Variants in TAB2 observed in about 807,000 individuals in gnomAD.
The protein encoded by TAB2 is TGF-beta activated kinase 1 (MAP3K7) binding protein 2.
TAB2 carries 3 observed loss-of-function variants against 65.0 expected under a neutral mutation model. That is an observed-to-expected ratio of 0.05 (90% CI 0.02 to 0.12). The LOEUF (loss-of-function observed/expected upper bound fraction) is 0.12, where lower values mean the gene tolerates loss of function less well. Among genes scored for constraint, TAB2 ranks in the 10% least tolerant of loss-of-function variants. The pLI is 1.00. For synonymous variants in TAB2, 298 were observed against 285.1 expected, an observed-to-expected ratio of 1.05 and a Z score of -0.46; for missense variants, 623 against 840.3, an observed-to-expected ratio of 0.74 and a Z score of 3.20.
intron 1 of TAB2, among the ~76,000 whole-genome samples, chr6:149,258,657 T>C (rs771147872): frequency 1.2e-4 from 19 of 152,258 alleles, no homozygotes; most frequent in Non-Finnish European, 2.8e-4. Context: ...TAATCACTGT[T>C]AACCTATCTC....
At chr6:149,275,234 G>GAAAGAA (rs1554255826) in intron 1 of TAB2, among the ~76,000 whole-genome samples, 163 of 65,384 alleles carry the variant, frequency 2.5e-3, no homozygotes, top group African/African-American at 0.013. Flanking sequence ...GGGAGAGAGA[G>GAAAGAA]AGAAAGAAAG....
intron 1 of TAB2, among the ~76,000 whole-genome samples, chr6:149,255,575 A>G (rs1053636668): frequency 6.6e-6 from 1 of 152,208 alleles, no homozygotes; most frequent in African/African-American, 2.4e-5. Context: ...TCTATAATTA[A>G]CATGTTACTT....
intron 1 of TAB2, among the ~76,000 whole-genome samples, chr6:149,369,570 G>A (rs1228908888): frequency 1.3e-5 from 2 of 152,078 alleles, no homozygotes; most frequent in Non-Finnish European, 2.9e-5. Flanking sequence ...CTCACCTTGG[G>A]ATAATCATTA....
chr6:149,231,974 G>C (rs1206247980), intron 1 of TAB2, among the ~76,000 whole-genome samples: 1 of 152,180 alleles, frequency 6.6e-6, no homozygotes, highest in Non-Finnish European at 1.5e-5. Context: ...AGGACAGCGA[G>C]AGGATCTACA....
intron 6 of TAB2, among the ~76,000 whole-genome samples, chr6:149,402,687 A>G (rs1782475329): frequency 6.6e-6 from 1 of 152,232 alleles, no homozygotes; most frequent in Non-Finnish European, 1.5e-5. Flanking sequence ...AAAGAAAACT[A>G]CAGACCAATA....
intron 1 of TAB2, among the ~76,000 whole-genome samples, chr6:149,234,103 A>G (rs1191506991): frequency 1.3e-5 from 2 of 152,198 alleles, no homozygotes; most frequent in Non-Finnish European, 2.9e-5. Context: ...TTTAAGAACT[A>G]TATTGAACAA....
chr6:149,385,393 A>G (rs967875456), intron 3 of TAB2, among the ~76,000 whole-genome samples: 1 of 152,226 alleles, frequency 6.6e-6, no homozygotes, highest in Non-Finnish European at 1.5e-5. Context: ...CTACTGCAGT[A>G]GCACATGCCT....
chr6:149,388,299 G>A (rs1781867833), intron 3 of TAB2, among the ~76,000 whole-genome samples: 1 of 152,102 alleles, frequency 6.6e-6, no homozygotes, highest in Non-Finnish European at 1.5e-5. Context: ...CTGCCTCAAC[G>A]CATGTTACTC....
chr6:149,411,102 A>T lies in TAB2; in HGVS notation c.*1383A>T, dbSNP rs1257394802. 1 of 152,628 alleles carries T rather than the reference A, an allele frequency of 6.6e-6. No homozygotes were observed. Among genetic ancestry groups the T allele is most frequent in the Non-Finnish European group, 1.5e-5 (1 of 68,036 alleles). 9.5% of individuals were successfully genotyped at this position (152,628 alleles called of 1,614,324 possible). The stretch of plus-strand genomic sequence containing the variant: ...ATATTTTTGTAAGGAAAATATTCAG[A>T]TGATCAGGAATGTATATAACTGAAA... On this transcript the variant is annotated 3_prime_UTR_variant, in exon 7 of 7. Transcript: ENST00000637181.
chr6:149,324,779 TA>T (rs1440985642), intron 1 of TAB2, among the ~76,000 whole-genome samples: 1 of 151,762 alleles, frequency 6.6e-6, no homozygotes, highest in Non-Finnish European at 1.5e-5. Context: ...ACTGGGGCCA[TA>T]GGGGTAGAAG....
chr6:149,367,749 G>A (rs1250136698), intron 1 of TAB2, among the ~76,000 whole-genome samples: 1 of 152,078 alleles, frequency 6.6e-6, no homozygotes, highest in Non-Finnish European at 1.5e-5. Flanking sequence ...AATACTTTTT[G>A]TATATAAGCC....
intron 1 of TAB2, among the ~76,000 whole-genome samples, chr6:149,355,955 C>CA (rs74510470): frequency 3.8e-4 from 56 of 147,140 alleles, no homozygotes; most frequent in South Asian, 1.9e-3. Flanking sequence ...TGTATTGCCA[C>CA]AAAAAAAAAA....
chr6:149,311,170 C>T (rs1160055859), intron 1 of TAB2, among the ~76,000 whole-genome samples: 3 of 152,190 alleles, frequency 2.0e-5, no homozygotes, highest in Non-Finnish European at 4.4e-5. Flanking sequence ...TCTTGTCTCC[C>T]ACCACTATCC....
At chr6:149,252,162 T>C (rs1050543387) in intron 1 of TAB2, among the ~76,000 whole-genome samples, 1 of 152,002 alleles carries the variant, frequency 6.6e-6, no homozygotes, top group African/African-American at 2.4e-5. Flanking sequence ...ATCCCAGCAC[T>C]TTGGGAGGCC....
chr6:149,396,038 G>C (rs1353351327), intron 3 of TAB2, among the ~76,000 whole-genome samples: 1 of 151,918 alleles, frequency 6.6e-6, no homozygotes, highest in Non-Finnish European at 1.5e-5. Flanking sequence ...CCGCCCCCGA[G>C]TTGGAGTCTC....
chr6:149,362,535 A>G (rs530689060), intron 1 of TAB2, among the ~76,000 whole-genome samples: 1 of 152,356 alleles, frequency 6.6e-6, no homozygotes, highest in East Asian at 1.9e-4. Context: ...CCCCACCTCC[A>G]ACACTGGGGA....
chr6:149,382,508 A>G (rs558148305), intron 3 of TAB2, among the ~76,000 whole-genome samples: 1 of 152,242 alleles, frequency 6.6e-6, no homozygotes, highest in South Asian at 2.1e-4. Context: ...AGGCAGGAGA[A>G]TCGCTTGAGC....
At chr6:149,340,783 C>A (rs1403600375) in intron 1 of TAB2, among the ~76,000 whole-genome samples, 1 of 152,112 alleles carries the variant, frequency 6.6e-6, no homozygotes, top group Non-Finnish European at 1.5e-5. Context: ...TTGAATAAGA[C>A]ACTTCCATGT....
chr6:149,309,831 T>G (rs1779136849), intron 1 of TAB2, among the ~76,000 whole-genome samples: 1 of 152,152 alleles, frequency 6.6e-6, no homozygotes. Context: ...CCCTCTCTCC[T>G]TTAGTTTCCC....
Sources: allele counts gnomAD v4.1 joint callset (sites outside exome capture counted in the v4.1 genomes callset), GRCh38; gene constraint gnomAD v4.1.1; transcripts MANE v1.5; gene names NCBI Gene and HGNC (gene_info 2026-07-23, HGNC 2026-07-21).